Variants in TPRG1 observed in about 807,000 individuals in gnomAD.
TPRG1 encodes the protein tumor protein p63-regulated gene 1 protein.
In TPRG1, 29 loss-of-function variants were observed where a neutral mutation model predicts 29.3. That is an observed-to-expected ratio of 0.99 (90% CI 0.74 to 1.35). The LOEUF (loss-of-function observed/expected upper bound fraction) is 1.35. TPRG1 is among the 40% of genes most tolerant of loss of function. TPRG1 has a pLI of 0.00. For synonymous variants in TPRG1, 130 were observed against 116.8 expected, an observed-to-expected ratio of 1.11 and a Z score of -0.73; for missense variants, 327 against 335.0, an observed-to-expected ratio of 0.98 and a Z score of 0.19.
At chr3:189,141,525 C>T (rs1163473446) in intron 3 of TPRG1, among the ~76,000 whole-genome samples, 1 of 152,042 alleles carries the variant, frequency 6.6e-6, no homozygotes. Flanking sequence ...GCTGTGGGGC[C>T]ATCTCACCTA....
At chr3:189,177,420 C>T (rs1729624016) in intron 1 of TPRG1, among the ~76,000 whole-genome samples, 1 of 150,532 alleles carries the variant, frequency 6.6e-6, no homozygotes, top group Admixed American at 6.6e-5. Flanking sequence ...ATATATATGT[C>T]TATACATATA....
chr3:189,101,153 A>G (rs1001787848), intron 1 of TPRG1, among the ~76,000 whole-genome samples: 9 of 151,854 alleles, frequency 5.9e-5, no homozygotes, highest in African/African-American at 1.9e-4. Context: ...TCCCCCTTCC[A>G]ACTCTTTTCA....
chr3:189,219,570 C>T (rs765110481), intron 3 of TPRG1: 15 of 1,255,568 alleles, frequency 1.2e-5, no homozygotes, highest in South Asian at 4.1e-5. Context: ...GCTTTTAGAA[C>T]GGATCCATTA....
chr3:189,200,652 A>G (rs1733325391), intron 1 of TPRG1, among the ~76,000 whole-genome samples: 1 of 152,150 alleles, frequency 6.6e-6, no homozygotes, highest in Non-Finnish European at 1.5e-5. Context: ...GACTTTTCTA[A>G]GTTCCCTGTC....
intron 4 of TPRG1, among the ~76,000 whole-genome samples, chr3:189,275,514 G>C (rs992250209): frequency 5.3e-5 from 8 of 152,160 alleles, no homozygotes; most frequent in African/African-American, 1.9e-4. Context: ...GTGGGAAGTT[G>C]GGATGTGAAG....
intron 5 of TPRG1, among the ~76,000 whole-genome samples, chr3:189,154,366 T>C (rs1726362734): frequency 6.6e-6 from 1 of 152,250 alleles, no homozygotes; most frequent in Non-Finnish European, 1.5e-5. Flanking sequence ...GTGTCTGCTA[T>C]GGGCTGAGCC....
chr3:189,076,923 CAT>C (rs150949911), intron 4 of TPRG1, among the ~76,000 whole-genome samples: 149 of 140,022 alleles, frequency 1.1e-3, no homozygotes, highest in East Asian at 4.2e-3. Context: ...TATATGTGTA[CAT>C]ATATATATAT....
intron 3 of TPRG1, among the ~76,000 whole-genome samples, chr3:189,237,426 TG>T (rs1439657960): frequency 6.6e-6 from 1 of 152,200 alleles, no homozygotes; most frequent in Non-Finnish European, 1.5e-5. Flanking sequence ...TGGTACCCAT[TG>T]CTAAGCATTT....
intron 3 of TPRG1, among the ~76,000 whole-genome samples, chr3:189,218,431 G>A (rs2108852503): frequency 6.6e-6 from 1 of 152,176 alleles, no homozygotes; most frequent in East Asian, 1.9e-4. Context: ...TCTCTTTTAT[G>A]TATAACAAAA....
chr3:189,239,754 A>G (rs1740210389), intron 4 of TPRG1, among the ~76,000 whole-genome samples: 2 of 152,190 alleles, frequency 1.3e-5, no homozygotes, highest in African/African-American at 4.8e-5. Flanking sequence ...TTCTTATAAA[A>G]TGTCTCTTGG....
chr3:189,275,062 A>T (rs1715893133), intron 4 of TPRG1, among the ~76,000 whole-genome samples: 1 of 151,842 alleles, frequency 6.6e-6, no homozygotes, highest in South Asian at 2.1e-4. Flanking sequence ...CACTGCATGT[A>T]TTTATGTCTT....
rs531082862 is a variant in TPRG1, at chr3:189,111,344, A to G, written c.-744+11140A>G. Among the ~76,000 whole-genome samples, 8 of 152,124 alleles carry G rather than the reference A, an allele frequency of 5.3e-5. No individual in the cohort carries two copies. In the South Asian group the frequency reaches 1.7e-3, roughly 32 times the overall value. ...TTCAGGCTTTTTGTTGCTATTGTAA[A>G]TTATGGTTTTAAAATTTTAATTTTC... is the stretch of plus-strand genomic sequence containing the variant. On this transcript the variant is annotated intron_variant, in intron 1 of 6. Transcript: ENST00000412373.
chr3:189,185,770 C>T (rs1395076682), intron 1 of TPRG1, among the ~76,000 whole-genome samples: 1 of 152,064 alleles, frequency 6.6e-6, no homozygotes, highest in Non-Finnish European at 1.5e-5. Flanking sequence ...CAGAGATAAG[C>T]CCCCTTTAAC....
At chr3:189,300,837 G>T (rs374542419) in intron 4 of TPRG1, among the ~76,000 whole-genome samples, 1 of 152,172 alleles carries the variant, frequency 6.6e-6, no homozygotes, top group Non-Finnish European at 1.5e-5. Context: ...TACTAGTAGA[G>T]CTCATGGCTC....
chr3:189,151,564 C>T (rs557674548), intron 5 of TPRG1, among the ~76,000 whole-genome samples: 50 of 152,048 alleles, frequency 3.3e-4, no homozygotes, highest in African/African-American at 1.2e-3. Context: ...CAAAGTAATA[C>T]CTTACACCAA....
chr3:189,029,905 C>T (rs1447798477), intron 4 of TPRG1, among the ~76,000 whole-genome samples: 1 of 152,206 alleles, frequency 6.6e-6, no homozygotes, highest in East Asian at 1.9e-4. Context: ...TTGGAAGCTT[C>T]CTGAGGCCGC....
chr3:189,168,819 C>G (rs1728463635), upstream of TPRG1, among the ~76,000 whole-genome samples: 1 of 152,076 alleles, frequency 6.6e-6, no homozygotes, highest in Non-Finnish European at 1.5e-5. Context: ...ACCTATTTAC[C>G]CCCAGTGATG....
intron 4 of TPRG1, among the ~76,000 whole-genome samples, chr3:189,282,234 G>T: frequency 2.0e-5 from 1 of 50,904 alleles, no homozygotes. Context: ...AAAAAAAAAG[G>T]CAGCAGCATA....
intron 4 of TPRG1, among the ~76,000 whole-genome samples, chr3:189,054,660 G>A (rs1715542897): frequency 6.6e-6 from 1 of 151,894 alleles, no homozygotes; most frequent in African/African-American, 2.4e-5. Context: ...GTACCCATCT[G>A]TAGTCCTAGC....
Sources: gnomAD v4.1 joint callset for allele counts (sites outside exome capture counted in the v4.1 genomes callset) on GRCh38, gnomAD v4.1.1 for gene constraint, MANE v1.5 for transcripts, NCBI Gene and HGNC (gene_info 2026-07-23, HGNC 2026-07-21) for gene names.